The following PLXNA2 variants were observed in gnomAD, a reference collection of about 807,000 sequenced individuals.
The protein encoded by PLXNA2 is plexin A2.
A neutral mutation model predicts 193.5 loss-of-function variants in PLXNA2; 91 were observed. The observed-to-expected ratio is 0.47, with a 90% confidence interval of 0.40 to 0.56. The LOEUF is 0.56. Among genes scored for constraint, PLXNA2 ranks in the 20% least tolerant of loss-of-function variants. PLXNA2 has a pLI of 0.00. For synonymous variants in PLXNA2, 997 were observed against 1,027.3 expected (o/e 0.97, Z 0.56); for missense variants, 1,995 against 2,503.2 (o/e 0.80, Z 4.33).
chr1:208,169,188 C>T (rs534851006), intron 3 of PLXNA2, among the ~76,000 whole-genome samples: 24 of 152,168 alleles, frequency 1.6e-4, no homozygotes, highest in Non-Finnish European at 3.1e-4. Flanking sequence ...CCAGAGAGAG[C>T]TCAAGGGAAA....
intron 3 of PLXNA2, among the ~76,000 whole-genome samples, chr1:208,206,954 G>A (rs1222858137): frequency 6.6e-6 from 1 of 151,864 alleles, no homozygotes; most frequent in Non-Finnish European, 1.5e-5. Context: ...AGTACCGACA[G>A]GGTTTCACCA....
chr1:208,076,186 G>A (rs538828080), intron 12 of PLXNA2, among the ~76,000 whole-genome samples: 1 of 151,950 alleles, frequency 6.6e-6, no homozygotes, highest in African/African-American at 2.4e-5. Flanking sequence ...TCCCACCCCA[G>A]TCTCCCGAGT....
chr1:208,188,438 G>A (rs977335264), intron 3 of PLXNA2, among the ~76,000 whole-genome samples: 9 of 152,230 alleles, frequency 5.9e-5, no homozygotes, highest in African/African-American at 2.2e-4. Flanking sequence ...GCTGGGCGCA[G>A]TGGCTCACGC....
At chr1:208,226,494 G>A (rs1185769348) in intron 1 of PLXNA2, among the ~76,000 whole-genome samples, 1 of 152,104 alleles carries the variant, frequency 6.6e-6, no homozygotes, top group African/African-American at 2.4e-5. Flanking sequence ...AATTATGAAG[G>A]GTTCCAAGAT....
chr1:208,191,136 T>A (rs1444250270), intron 3 of PLXNA2, among the ~76,000 whole-genome samples: 1 of 152,216 alleles, frequency 6.6e-6, no homozygotes, highest in Non-Finnish European at 1.5e-5. Context: ...ACTGCCTGAA[T>A]CATGTGCACT....
At position 208,027,262 on chromosome 1, in the gene PLXNA2, G is replaced by A. The variant is rs1252577059; in HGVS notation, c.5666C>T (p.Ala1889Val). The change falls in exon 32 of 32, where the codon GCC (alanine) becomes GTC (valine). Residue 1889 changes from alanine (A) to valine (V), a missense_variant. Ala to Val is a moderately conservative substitution (Grantham distance 64). Coordinates refer to ENST00000367033, the MANE Select transcript of PLXNA2 (RefSeq NM_025179.4). ...CTCCTCTCAGCTCTCAATGGACATG[G>A]CATTAATGAGCTGCTCCACCTTATA... ...LAYKVEQLIN[A>V]MSIES 6.2e-7 allele frequency: 1 copy of A among 1,613,398 alleles called. No homozygotes were observed. Among genetic ancestry groups the A allele is most frequent in the Admixed American group, 1.7e-5 (1 of 60,024 alleles).
At chr1:208,205,383 C>T (rs1670684799) in intron 3 of PLXNA2, among the ~76,000 whole-genome samples, 1 of 152,170 alleles carries the variant, frequency 6.6e-6, no homozygotes, top group African/African-American at 2.4e-5. Context: ...CTTTTCCCTC[C>T]CCTACATCTG....
At position 208,031,053 on chromosome 1, in the gene PLXNA2, T is replaced by G. The variant is rs1397681954; in HGVS notation, c.5225+537A>C. 7.1e-6 allele frequency: 7 copies of G among 990,552 alleles called. No individual in the cohort carries two copies. In the African/African-American group the frequency reaches 1.2e-4, roughly 17 times the overall value. The allele number at this position is 990,552 out of a possible 1,614,324, so 61.4% of individuals were successfully genotyped here. On this transcript the variant is annotated intron_variant, in intron 29 of 31. Coordinates refer to ENST00000367033, the MANE Select transcript of PLXNA2 (RefSeq NM_025179.4). ...TCACTTGGCCTTAAGAGATCAAGTT[T>G]GCAATGAAATCCTCCCTGTCAGTGG...
chr1:208,029,070 G>T (rs779884197), intron 29 of PLXNA2, 28 bp from the exon 30 acceptor site: 1 of 1,613,336 alleles, frequency 6.2e-7, no homozygotes, highest in Non-Finnish European at 8.5e-7. Flanking sequence ...GAAGACTTGA[G>T]AATGCATGCG....
intron 3 of PLXNA2, among the ~76,000 whole-genome samples, chr1:208,155,290 A>G (rs1668904563): frequency 6.6e-6 from 1 of 152,000 alleles, no homozygotes; most frequent in East Asian, 1.9e-4. Flanking sequence ...TCTGTCTCAG[A>G]CCCTTTTCAC....
At chr1:208,072,800 T>C (rs959088009) in intron 12 of PLXNA2, among the ~76,000 whole-genome samples, 13 of 152,164 alleles carry the variant, frequency 8.5e-5, no homozygotes, top group African/African-American at 3.1e-4. Flanking sequence ...GGAAGACAGT[T>C]AGGTGAAGAT....
Position 208,054,534 on chromosome 1 carries a change from C to T in PLXNA2, c.2743G>A (p.Val915Ile). The change falls in exon 14 of 32, where the codon GTC (valine) becomes ATC (isoleucine). Residue 915 changes from valine (V) to isoleucine (I), a missense_variant. Physicochemically the swap from Val to Ile is conservative, Grantham distance 29. Coordinates refer to ENST00000367033, the MANE Select transcript of PLXNA2 (RefSeq NM_025179.4). ...PGEYIIAEQI[V>I]CEMGHALVGT... ...ACGAGGGCATGGCCCATCTCACAGA[C>T]AATCCTGGGGAGAAAGCAAACCTTC... The T allele has an allele frequency of 6.2e-7, 1 of 1,612,780 alleles. No individual in the cohort carries two copies. The highest frequency in any genetic ancestry group is 8.5e-7 in the Non-Finnish European group (1 of 1,178,772).
In PLXNA2 at chr1:208,033,496, C is replaced by T; in HGVS notation, c.4878G>A (p.Arg1626=). The change falls in exon 28 of 32, where the codon AGG becomes AGA. Residue 1626 remains arginine, a synonymous_variant. Coordinates refer to ENST00000367033, the MANE Select transcript of PLXNA2 (RefSeq NM_025179.4). ...GCAGGCTGTCGGGGCTGCCCGTATACCTGAAGGAGGAGTCTGAGGAGAAGG... is the reference window on the plus strand; with the variant it reads ...GCAGGCTGTCGGGGCTGCCCGTATATCTGAAGGAGGAGTCTGAGGAGAAGG... ...TSISRYDSSF[R]YTGSPDSLRS... is the part of the protein sequence containing the mutation. 6.2e-7 allele frequency: 1 copy of T among 1,608,494 alleles called. No homozygotes were observed. Among genetic ancestry groups the T allele is most frequent in the Non-Finnish European group, 8.5e-7 (1 of 1,176,248 alleles).
chr1:208,229,123 A>G (rs921645073), intron 1 of PLXNA2, among the ~76,000 whole-genome samples: 3 of 152,152 alleles, frequency 2.0e-5, no homozygotes, highest in Non-Finnish European at 2.9e-5. Flanking sequence ...CTGCCTCAGT[A>G]CACAGGCTAA....
At chr1:208,050,450 T>A (rs2102333200) in intron 17 of PLXNA2, among the ~76,000 whole-genome samples, 1 of 152,372 alleles carries the variant, frequency 6.6e-6, no homozygotes, top group East Asian at 1.9e-4. Flanking sequence ...GGAGTCCTTT[T>A]GTGCTGTATC....
At chr1:208,084,053 T>G (rs1666430893) in intron 10 of PLXNA2, among the ~76,000 whole-genome samples, 1 of 152,214 alleles carries the variant, frequency 6.6e-6, no homozygotes, top group Non-Finnish European at 1.5e-5. Flanking sequence ...AAACATCTCA[T>G]GTAGCCCATA....
At chr1:208,241,244 T>C (rs1029795729) in intron 1 of PLXNA2, among the ~76,000 whole-genome samples, 2 of 152,228 alleles carry the variant, frequency 1.3e-5, no homozygotes, top group African/African-American at 4.8e-5. Context: ...TCATTTTAAG[T>C]GCAGACTTCA....
chr1:208,153,654 A>T (rs1008977523), intron 3 of PLXNA2, among the ~76,000 whole-genome samples: 30 of 152,226 alleles, frequency 2.0e-4, no homozygotes, highest in African/African-American at 6.8e-4. Flanking sequence ...TGGCTCAGAC[A>T]GGTGGAAAGC....
At chr1:208,227,589 C>T (rs1237807380) in intron 1 of PLXNA2, among the ~76,000 whole-genome samples, 1 of 152,176 alleles carries the variant, frequency 6.6e-6, no homozygotes, top group Non-Finnish European at 1.5e-5. Context: ...AAACTTGAGG[C>T]TCCACAGTTC....
Sources: allele counts gnomAD v4.1 joint callset (sites outside exome capture counted in the v4.1 genomes callset), GRCh38; gene constraint gnomAD v4.1.1; transcripts MANE v1.5; gene names NCBI Gene and HGNC (gene_info 2026-07-23, HGNC 2026-07-21).